Variants in BTBD10 observed in about 807,000 individuals in gnomAD.
BTBD10 encodes the protein BTB/POZ domain-containing protein 10.
Under a neutral mutation model 53.2 loss-of-function variants are expected in BTBD10, and 21 were observed. The ratio of observed to expected loss-of-function variants is 0.39; its 90% CI spans 0.28 to 0.57. The LOEUF (loss-of-function observed/expected upper bound fraction) is 0.57. BTBD10 is among the 20% of genes least tolerant of loss of function. The pLI is 0.53. For synonymous variants in BTBD10, 149 were observed against 192.7 expected (o/e 0.77, Z 1.88); for missense variants, 360 against 594.7 (o/e 0.61, Z 4.10).
At chr11:13,454,643 A>G (rs999872093) in intron 1 of BTBD10, among the ~76,000 whole-genome samples, 4 of 152,148 alleles carry the variant, frequency 2.6e-5, no homozygotes, top group African/African-American at 9.6e-5. Flanking sequence ...CTTGAACCCA[A>G]GAGTTCAAGG....
At chr11:13,445,735 CA>C (rs1291615740) in intron 1 of BTBD10, among the ~76,000 whole-genome samples, 2 of 151,996 alleles carry the variant, frequency 1.3e-5, no homozygotes, top group East Asian at 3.9e-4. Flanking sequence ...GTGCAATAAC[CA>C]TAAAAATGTT....
intron 2 of BTBD10, among the ~76,000 whole-genome samples, chr11:13,427,772 T>C (rs1950369823): frequency 6.6e-6 from 1 of 152,170 alleles, no homozygotes; most frequent in Non-Finnish European, 1.5e-5. Context: ...TCATACAAAG[T>C]ATGTTCTCTG....
chr11:13,416,027 A>G (rs765687517), intron 5 of BTBD10, among the ~76,000 whole-genome samples: 2 of 152,016 alleles, frequency 1.3e-5, no homozygotes, highest in Non-Finnish European at 2.9e-5. Context: ...TCAAAAAAAA[A>G]AACAGTTAAA....
At chr11:13,455,813 T>C (rs1337580395) in intron 1 of BTBD10, among the ~76,000 whole-genome samples, 2 of 152,216 alleles carry the variant, frequency 1.3e-5, no homozygotes, top group Non-Finnish European at 2.9e-5. Context: ...CCTTCCATGA[T>C]GCTTTATGTT....
chr11:13,430,667 T>C (rs1053410525), intron 2 of BTBD10, among the ~76,000 whole-genome samples: 2 of 152,048 alleles, frequency 1.3e-5, no homozygotes, highest in African/African-American at 2.4e-5. Flanking sequence ...TTGCGATATA[T>C]CCATACAATG....
Position 13,391,326 on chromosome 11 carries a change from C to T in BTBD10, c.1118-2185G>A, listed in dbSNP as rs372737950. 1.9e-3 allele frequency among the ~76,000 whole-genome samples: 296 copies of T among 152,314 alleles called. 2 individuals are homozygous for T. Among genetic ancestry groups the T allele is most frequent in the African/African-American group, 6.7e-3 (280 of 41,560 alleles). Reference sequence around the variant, plus strand: ...TTCCCTCTCAGCCTCCTGATCCCTGCGCTCCACCTTCTTTTATCCCTGGCA... The same window carrying T: ...TTCCCTCTCAGCCTCCTGATCCCTGTGCTCCACCTTCTTTTATCCCTGGCA... On this transcript the variant is annotated intron_variant, in intron 8 of 8. Coordinates refer to ENST00000278174, the MANE Select transcript of BTBD10 (RefSeq NM_032320.7).
At chr11:13,397,177 T>G (rs9737393) in intron 8 of BTBD10, among the ~76,000 whole-genome samples, 4,210 of 152,322 alleles carry the variant, frequency 0.028, 146 homozygotes, top group South Asian at 0.083. Flanking sequence ...GTCATGGACT[T>G]TTTTTAGTTG....
intron 1 of BTBD10, among the ~76,000 whole-genome samples, chr11:13,448,085 G>T (rs886474016): frequency 1.4e-4 from 22 of 151,978 alleles, no homozygotes; most frequent in Admixed American, 1.4e-3. Context: ...TATATTTGTC[G>T]GATTTCATTC....
chr11:13,436,933 C>A (rs1049412805), intron 2 of BTBD10, among the ~76,000 whole-genome samples: 14 of 152,050 alleles, frequency 9.2e-5, no homozygotes, highest in African/African-American at 2.9e-4. Flanking sequence ...CAGGCGTGCA[C>A]CAACATGCCC....
chr11:13,412,461 C>G (rs1024105903), intron 6 of BTBD10, among the ~76,000 whole-genome samples: 2 of 152,012 alleles, frequency 1.3e-5, no homozygotes, highest in African/African-American at 4.8e-5. Context: ...TCAAAAACAA[C>G]AACAACAACA....
chr11:13,420,639 G>T (rs1389715012), intron 3 of BTBD10, among the ~76,000 whole-genome samples: 1 of 151,914 alleles, frequency 6.6e-6, no homozygotes, highest in East Asian at 1.9e-4. Flanking sequence ...ATTCCTCTAT[G>T]ACTCAAACTA....
chr11:13,399,959 T>TG (rs1224810399), intron 8 of BTBD10, among the ~76,000 whole-genome samples: 1 of 152,202 alleles, frequency 6.6e-6, no homozygotes, highest in Non-Finnish European at 1.5e-5. Context: ...CCGCCCCTAC[T>TG]GGGGGGTGCC....
At chr11:13,407,507 T>A (rs1481195354) in intron 6 of BTBD10, among the ~76,000 whole-genome samples, 1 of 149,752 alleles carries the variant, frequency 6.7e-6, no homozygotes, top group Non-Finnish European at 1.5e-5. Context: ...GTGCTGGGCA[T>A]ATAATGGGAA....
chr11:13,427,249 A>G (rs957327114), intron 2 of BTBD10, among the ~76,000 whole-genome samples: 2 of 152,116 alleles, frequency 1.3e-5, no homozygotes, highest in Admixed American at 1.3e-4. Flanking sequence ...GCCAGGTCCA[A>G]CTATATGCTA....
chr11:13,400,513 G>A (rs936009449), intron 8 of BTBD10, among the ~76,000 whole-genome samples: 11 of 152,218 alleles, frequency 7.2e-5, no homozygotes, highest in African/African-American at 1.9e-4. Flanking sequence ...GCGATGCCTC[G>A]CCCTGCTTCG....
chr11:13,405,846 C>A lies in BTBD10; in HGVS notation c.819G>T (p.Met273Ile). The A allele has an allele frequency of 1.2e-6, 2 of 1,612,340 alleles. No individual in the cohort carries two copies. Among genetic ancestry groups the A allele is most frequent in the South Asian group, 2.2e-5 (2 of 90,810 alleles). The change falls in exon 7 of 9, where the codon ATG becomes ATT. Residue 273 changes from methionine (M) to isoleucine (I), a missense_variant. This residue lies in a region of BTBD10 where 91 missense variants were observed against 171.7 expected (regional missense o/e 0.53). Transcript: ENST00000278174. The part of the protein sequence containing the change: ...TIKCRDLSAL[M>I]HELSNDGARR... ...GAGCACCATCATTTGATAACTCATG[C>A]ATTAGGGCACCTGAAATGAAATCCA...
intron 7 of BTBD10, chr11:13,404,515 AAG>A: frequency 4.4e-6 from 3 of 687,472 alleles, no homozygotes; most frequent in Non-Finnish European, 5.4e-6. Context: ...TGTAAGTTAT[AAG>A]CTTGTTCACT....
At chr11:13,458,369 A>C (rs759595801) in intron 1 of BTBD10, among the ~76,000 whole-genome samples, 1 of 152,184 alleles carries the variant, frequency 6.6e-6, no homozygotes, top group Non-Finnish European at 1.5e-5. Flanking sequence ...ACGAAATGGA[A>C]ATTTAAAAAG....
intron 2 of BTBD10, among the ~76,000 whole-genome samples, chr11:13,437,963 T>C (rs1022025910): frequency 6.6e-6 from 1 of 152,172 alleles, no homozygotes; most frequent in Non-Finnish European, 1.5e-5. Flanking sequence ...ATCAGATGAA[T>C]TCTTTACCTC....
Sources: allele counts gnomAD v4.1 joint callset (sites outside exome capture counted in the v4.1 genomes callset), GRCh38; gene constraint gnomAD v4.1.1; regional missense constraint gnomAD v4.1.1; transcripts MANE v1.5; gene names NCBI Gene and HGNC (gene_info 2026-07-23, HGNC 2026-07-21).